ROBO1: variants seen among roughly 807,000 people sequenced by gnomAD.
ROBO1 encodes the protein roundabout homolog 1.
A neutral mutation model predicts 195.9 loss-of-function variants in ROBO1; 149 were observed. The observed-to-expected ratio is 0.76, with a 90% CI of 0.67 to 0.87. ROBO1 has a LOEUF of 0.87. Ranked by LOEUF, ROBO1 falls within the 40% of genes least tolerant of loss-of-function variation. The pLI is 0.00. For missense variants in ROBO1, 1,933 were observed against 2,068.3 expected, an observed-to-expected ratio of 0.93 and a Z score of 1.27; for synonymous variants, 816 against 733.2, an observed-to-expected ratio of 1.11 and a Z score of -1.82.
chr3:79,562,185 A>T (rs1418944570), intron 2 of ROBO1, among the ~76,000 whole-genome samples: 1 of 152,078 alleles, frequency 6.6e-6, no homozygotes, highest in Non-Finnish European at 1.5e-5. Context: ...GAACTATGTC[A>T]TGCACTATTG....
At chr3:79,260,059 T>C (rs2082910553) in intron 2 of ROBO1, among the ~76,000 whole-genome samples, 2 of 151,582 alleles carry the variant, frequency 1.3e-5, no homozygotes, top group African/African-American at 4.8e-5. Context: ...TAATGTGCAG[T>C]AATGTACTGA....
intron 28 of ROBO1, among the ~76,000 whole-genome samples, chr3:78,612,087 A>T (rs543810817): frequency 1.3e-5 from 2 of 152,234 alleles, no homozygotes; most frequent in South Asian, 4.1e-4. Context: ...AGACATGGCC[A>T]CTCTTTATCC....
chr3:79,436,134 C>T (rs1406679269), intron 2 of ROBO1, among the ~76,000 whole-genome samples: 1 of 152,032 alleles, frequency 6.6e-6, no homozygotes, highest in East Asian at 1.9e-4. Flanking sequence ...AGTTTTTAAT[C>T]CTATAGATCA....
At chr3:79,612,526 G>A (rs1369742592) in intron 1 of ROBO1, among the ~76,000 whole-genome samples, 1 of 151,368 alleles carries the variant, frequency 6.6e-6, no homozygotes, top group African/African-American at 2.4e-5. Context: ...ATGATTTATA[G>A]TCCTTTGGGT....
chr3:78,929,479 CATTTATTTATTTATTT>C (rs35081123), intron 4 of ROBO1, among the ~76,000 whole-genome samples: 23 of 144,272 alleles, frequency 1.6e-4, no homozygotes, highest in African/African-American at 4.6e-4. Context: ...TTTCCAGTAT[CATTTATTTATTTATTT>C]ATTTATTTAT....
chr3:78,617,526 AAG>A, intron 27 of ROBO1, 107 bp downstream of exon 27: 1 of 1,094,570 alleles, frequency 9.1e-7, no homozygotes, highest in Non-Finnish European at 1.2e-6. Context: ...AAAAAACTGT[AAG>A]AATAGATGCT....
intron 22 of ROBO1, 48 bp from the exon 23 acceptor site, chr3:78,636,156 T>C (rs757611634): frequency 1.5e-6 from 2 of 1,362,068 alleles, no homozygotes; most frequent in African/African-American, 1.5e-5. Flanking sequence ...GCGTGGTTAT[T>C]CCTTTTAAAT....
chr3:78,711,922 A>C (rs1434601012), intron 8 of ROBO1, among the ~76,000 whole-genome samples: 1 of 150,652 alleles, frequency 6.6e-6, no homozygotes, highest in Non-Finnish European at 1.5e-5. Flanking sequence ...GTACACAAGT[A>C]GAAAAGCCAC....
intron 2 of ROBO1, among the ~76,000 whole-genome samples, chr3:79,482,769 T>C (rs1938931585): frequency 6.6e-6 from 1 of 152,168 alleles, no homozygotes; most frequent in South Asian, 2.1e-4. Context: ...GTGATAACCA[T>C]AGAGGGATGT....
chr3:79,359,219 A>C (rs1341736663), intron 2 of ROBO1, among the ~76,000 whole-genome samples: 2 of 152,076 alleles, frequency 1.3e-5, no homozygotes, highest in Non-Finnish European at 2.9e-5. Flanking sequence ...ATGCTATAAC[A>C]ATATAATGAT....
chr3:78,714,666 G>C (rs1041199473), intron 7 of ROBO1, 142 bp from the exon 8 acceptor site: 24 of 657,210 alleles, frequency 3.7e-5, no homozygotes, highest in African/African-American at 3.5e-4. Context: ...ATTCCTCTAA[G>C]TCAGCTGGCA....
At chr3:79,135,825 G>A (rs1417173215) in intron 2 of ROBO1, among the ~76,000 whole-genome samples, 2 of 151,996 alleles carry the variant, frequency 1.3e-5, no homozygotes, top group African/African-American at 2.4e-5. Context: ...TTAGTAGAGA[G>A]GGGGTTTCTC....
intron 2 of ROBO1, among the ~76,000 whole-genome samples, chr3:79,577,761 A>T (rs1010340189): frequency 7.4e-6 from 1 of 134,804 alleles, no homozygotes; most frequent in South Asian, 2.3e-4. Flanking sequence ...CACACACACA[A>T]AATTGCTGGG....
At position 78,668,010 on chromosome 3, in the gene ROBO1, A is replaced by G; in HGVS notation, c.1839T>C (p.Asn613=). ...SGSSWQTVAE[N]VKTETSAIKG... ...TAATGGCAGATGTTTCTGTTTTCAC[A>G]TTCTCTGCTACGGTCTGCCAGCTGC... Residue 613 remains asparagine, a synonymous_variant, in exon 14 of 31, where the codon AAT becomes AAC. Transcript: ENST00000464233. 1 of 1,613,694 alleles carries G rather than the reference A, an allele frequency of 6.2e-7. No individual in the cohort carries two copies. The highest frequency in any genetic ancestry group is 1.1e-5 in the South Asian group (1 of 91,058).
chr3:79,487,188 A>AAAAACTTGTTTTTTAACAAAACATGTTAG (rs1387163376), intron 2 of ROBO1, among the ~76,000 whole-genome samples: 3 of 152,256 alleles, frequency 2.0e-5, no homozygotes, highest in Non-Finnish European at 4.4e-5. Context: ...TAAGAAGTTA[A>AAAAACTTGTTTTTTAACAAAACATGTTAG]AAAACTTCTG....
At chr3:79,662,167 T>G (rs1946348085) in intron 1 of ROBO1, among the ~76,000 whole-genome samples, 1 of 152,088 alleles carries the variant, frequency 6.6e-6, no homozygotes, top group Admixed American at 6.6e-5. Flanking sequence ...GGAACTCCTC[T>G]ACACTTGGAA....
intron 2 of ROBO1, among the ~76,000 whole-genome samples, chr3:79,522,825 G>A (rs1941265055): frequency 6.6e-6 from 1 of 152,038 alleles, no homozygotes; most frequent in South Asian, 2.1e-4. Context: ...ATGTTTAATT[G>A]TAGAGCACGA....
chr3:78,692,231 T>C (rs2081191381), intron 8 of ROBO1, among the ~76,000 whole-genome samples: 1 of 152,128 alleles, frequency 6.6e-6, no homozygotes, highest in Non-Finnish European at 1.5e-5. Flanking sequence ...TGTATTAATA[T>C]GAAAAGTCAC....
intron 2 of ROBO1, among the ~76,000 whole-genome samples, chr3:79,146,416 A>C (rs893224073): frequency 6.6e-6 from 1 of 152,044 alleles, no homozygotes; most frequent in African/African-American, 2.4e-5. Context: ...TGTGAACATA[A>C]CTGCAGAAAA....
Sources: gnomAD v4.1 joint callset for allele counts (sites outside exome capture counted in the v4.1 genomes callset) on GRCh38, gnomAD v4.1.1 for gene constraint, MANE v1.5 for transcripts, NCBI Gene and HGNC (gene_info 2026-07-23, HGNC 2026-07-21) for gene names.